DGKZ: variants seen among roughly 807,000 people sequenced by gnomAD.
DGKZ encodes the protein diacylglycerol kinase zeta, also known as DAG kinase zeta.
A neutral mutation model predicts 142.5 loss-of-function variants in DGKZ; 45 were observed. That is an observed-to-expected ratio of 0.32 (90% CI 0.25 to 0.40). The LOEUF (loss-of-function observed/expected upper bound fraction) is 0.40. Ranked by LOEUF, DGKZ falls within the 10% of genes least tolerant of loss-of-function variation. The pLI is 1.00. For synonymous variants in DGKZ, 442 were observed against 527.0 expected (o/e 0.84, Z 2.21); for missense variants, 755 against 1,306.5 (o/e 0.58, Z 6.51).
chr11:46,373,044 C>T lies in DGKZ; in HGVS notation c.1269C>T (p.His423=), dbSNP rs1325689990. The T allele has an allele frequency of 2.0e-5, 31 of 1,543,132 alleles. No individual in the cohort carries two copies. The highest frequency in any genetic ancestry group is 9.6e-5 in the African/African-American group (7 of 72,568). Residue 423 remains histidine, a synonymous_variant, in exon 14 of 31, where the codon CAC becomes CAT. Transcript: ENST00000527911. ...TACAGCTGGACCGCTGGGACCTCCA[C>T]GCTGAGCCCAACCCCGAGGCAGGGC...
At position 46,347,528 on chromosome 11, in the gene DGKZ, C is replaced by T. The variant is rs923203563; in HGVS notation, c.-132C>T. On this transcript the variant is annotated 5_prime_UTR_variant, in exon 1 of 31. Coordinates refer to ENST00000527911, the Ensembl canonical transcript of DGKZ. This position sits in a 1 kb window ranked among gnomAD's most constrained non-coding sequence, Gnocchi z 6.4. ...CCTGGGCGTGGGGAGCGGGGGCGCG[C>T]GGCGCGGGGCGGGCGGAGCGAGCGC... 1,767 of 982,270 alleles carry T rather than the reference C, an allele frequency of 1.8e-3. 2 individuals carry two copies. The highest frequency in any genetic ancestry group is 2.0e-3 in the Non-Finnish European group (1,666 of 829,188). The allele number at this position is 982,270 out of a possible 1,614,324, so 60.8% of individuals were successfully genotyped here.
chr11:46,338,031 G>A (rs1940095443), intron 1 of DGKZ, among the ~76,000 whole-genome samples: 1 of 152,206 alleles, frequency 6.6e-6, no homozygotes, highest in Admixed American at 6.5e-5. Flanking sequence ...TTTAGGCTTT[G>A]CAGGGCACTC....
At position 46,351,662 on chromosome 11, in the gene DGKZ, C is replaced by G. The variant is rs182578365; in HGVS notation, c.161+3842C>G. ...ACCTGGGCTAATGCTGGGAGCAGCC[C>G]AGGTTGCTGTGAGAGGCAGGGACAA... On this transcript the variant is annotated intron_variant, in intron 1 of 30. Coordinates refer to ENST00000527911, the Ensembl canonical transcript of DGKZ. 8.9e-4 allele frequency among the ~76,000 whole-genome samples: 135 copies of G among 152,284 alleles called. 1 individual carries two copies. The highest frequency in any genetic ancestry group is 4.8e-3 in the East Asian group (25 of 5,180).
upstream of DGKZ, chr11:46,345,215 G>A: frequency 7.6e-7 from 1 of 1,313,566 alleles, no homozygotes; most frequent in Admixed American, 4.2e-5. The surrounding 1 kb of genome is among the most constrained non-coding windows in gnomAD (Gnocchi z 4.1). Flanking sequence ...CTGGCTGCTG[G>A]TCTGGGCTTG....
In DGKZ at chr11:46,364,826, G is replaced by A. The variant is rs138234993; in HGVS notation, c.162-2465G>A. ...TGCCTAATTAATGCCAGCCTTCAGGGGACCACAGGGCTTCTTCTGTCAGCC... is the reference window on the plus strand; with the variant it reads ...TGCCTAATTAATGCCAGCCTTCAGGAGACCACAGGGCTTCTTCTGTCAGCC... On this transcript the variant is annotated intron_variant, in intron 1 of 30. Transcript: ENST00000527911. 1,207 of 985,404 alleles carry A rather than the reference G, an allele frequency of 1.2e-3. 5 individuals carry two copies. The African/African-American group carries it at 0.015, about 12-fold the overall frequency. The allele number at this position is 985,404 out of a possible 1,614,324, so 61.0% of individuals were successfully genotyped here.
chr11:46,366,198 G>A lies in DGKZ; in HGVS notation c.162-1093G>A, dbSNP rs546785992. The A allele has an allele frequency of 4.9e-5, 73 of 1,500,276 alleles. No homozygotes were observed. The South Asian group carries it at 8.8e-4, about 18-fold the overall frequency. 92.9% of individuals were successfully genotyped at this position (1,500,276 alleles called of 1,614,324 possible). A position where few individuals can be genotyped will look rare whatever the true frequency, so the allele number is the denominator to read the frequency against. ...TGGGCTCCCGGACACAGGACAGACC[G>A]TGGCCTGATCCAGCTCCTGATGCTC... On this transcript the variant is annotated intron_variant, in intron 1 of 30. Transcript: ENST00000527911.
intron 1 of DGKZ, among the ~76,000 whole-genome samples, chr11:46,358,676 T>G (rs1315134914): frequency 6.6e-6 from 1 of 152,180 alleles, no homozygotes; most frequent in Non-Finnish European, 1.5e-5. Flanking sequence ...CTACATATAT[T>G]TTTTAAAAAT....
At position 46,367,807 on chromosome 11, in the gene DGKZ, CG is replaced by C. The variant is rs575396751; in HGVS notation, c.366+63del. Reference sequence around the variant, plus strand: ...GTGGAGCCAGTAGCCGCAGCCCTTCCGGGAACGTGGGATTGAGCCCGCTCCC... The same window carrying C: ...GTGGAGCCAGTAGCCGCAGCCCTTCCGGAACGTGGGATTGAGCCCGCTCCC... On this transcript the variant is annotated intron_variant, in intron 3 of 30. Coordinates refer to ENST00000527911, the Ensembl canonical transcript of DGKZ. The surrounding 1 kb of genome is among the most constrained non-coding windows in gnomAD (Gnocchi z 4.1). 325 of 1,601,666 alleles carry C rather than the reference CG, an allele frequency of 2.0e-4. 3 individuals are homozygous for C. In the East Asian group the frequency reaches 7.2e-3, roughly 36 times the overall value.
At chr11:46,368,011 G>C in exon 4 of DGKZ, 1 of 1,614,020 alleles carries the variant, frequency 6.2e-7, no homozygotes, top group Non-Finnish European at 8.5e-7. Context: ...GCAGAAGTCA[G>C]TGTCTCGAAG....
exon 1 of DGKZ, chr11:46,333,398 C>A: frequency 6.7e-7 from 1 of 1,496,572 alleles, no homozygotes; most frequent in Non-Finnish European, 8.9e-7. Context: ...TCGCGCAGCC[C>A]TGGCCCGAGG....
chr11:46,379,603 A>G (rs765634163), intron 30 of DGKZ, 35 bp downstream of exon 30: 2 of 1,551,204 alleles, frequency 1.3e-6, no homozygotes. Context: ...CCACGAGGGC[A>G]CCAACCAAAC....
chr11:46,366,909 G>C, intron 1 of DGKZ: 1 of 1,546,980 alleles, frequency 6.5e-7, no homozygotes. Context: ...ACCCGTGTGC[G>C]CCCACTGTCC....
chr11:46,339,540 G>C (rs1025623030), intron 1 of DGKZ, among the ~76,000 whole-genome samples: 1 of 152,230 alleles, frequency 6.6e-6, no homozygotes, highest in Non-Finnish European at 1.5e-5. Flanking sequence ...CTGTCCCAGA[G>C]GCCAACGTGC....
chr11:46,343,026 A>G (rs1349402024), upstream of DGKZ, among the ~76,000 whole-genome samples: 3 of 152,100 alleles, frequency 2.0e-5, no homozygotes, highest in African/African-American at 7.2e-5. Flanking sequence ...CTGGGGGTTG[A>G]GGCACAAGAA....
At chr11:46,380,120 T>C in exon 31 of DGKZ, 1 of 640,224 alleles carries the variant, frequency 1.6e-6, no homozygotes, top group South Asian at 2.1e-5. Context: ...ACTCAGGAGC[T>C]GGGGGGGCCT....
Position 46,374,833 on chromosome 11 carries a change from T to TC in DGKZ, c.1596dup (p.Arg533GlnfsTer19). 2 of 1,591,514 alleles carry TC rather than the reference T, an allele frequency of 1.3e-6. No individual in the cohort carries two copies. Among genetic ancestry groups the TC allele is most frequent in the Non-Finnish European group, 1.7e-6 (2 of 1,165,164 alleles). On this transcript the variant is annotated frameshift_variant, in exon 18 of 31. Transcript: ENST00000527911. LOFTEE classifies it high-confidence loss of function. ...CCCCAGTGTGTTGTTTTCCTGAACATCCCCAGGTGAGGAGGGGGCTACCGG... is the reference window on the plus strand; with the variant it reads ...CCCCAGTGTGTTGTTTTCCTGAACATCCCCCAGGTGAGGAGGGGGCTACCGG...
chr11:46,364,539 G>A, intron 1 of DGKZ: 1 of 985,400 alleles, frequency 1.0e-6, no homozygotes, highest in Non-Finnish European at 1.2e-6. Flanking sequence ...ATCTGAGGCA[G>A]CTGGAAACTC....
At chr11:46,337,374 C>G (rs953166408) in intron 1 of DGKZ, among the ~76,000 whole-genome samples, 1 of 143,918 alleles carries the variant, frequency 6.9e-6, no homozygotes, top group East Asian at 2.0e-4. Flanking sequence ...TGGTTCACTG[C>G]AACTGCCACC....
At position 46,371,306 on chromosome 11, in the gene DGKZ, C is replaced by T. The variant is rs769354454; in HGVS notation, c.571-7C>T. 1.9e-6 allele frequency: 3 copies of T among 1,613,488 alleles called. No individual in the cohort carries two copies. Among genetic ancestry groups the T allele is most frequent in the East Asian group, 4.5e-5 (2 of 44,878 alleles). Reference sequence around the variant, plus strand: ...CCCTGGTTCCCATCCATCCTGTCTACCCTCAGGGATTCCAGCAGAAGTTCA... The same window carrying T: ...CCCTGGTTCCCATCCATCCTGTCTATCCTCAGGGATTCCAGCAGAAGTTCA... On this transcript the variant is annotated splice_polypyrimidine_tract_variant and splice_region_variant and intron_variant, in intron 6 of 30. Transcript: ENST00000527911.
Sources: allele counts gnomAD v4.1 joint callset (sites outside exome capture counted in the v4.1 genomes callset), GRCh38; gene constraint gnomAD v4.1.1; non-coding constraint Gnocchi (gnomAD v3.1); transcripts MANE v1.5; gene names NCBI Gene and HGNC (gene_info 2026-07-23, HGNC 2026-07-21).